The following AAGAB variants were observed in gnomAD, a reference collection of about 807,000 sequenced individuals.
AAGAB encodes the protein alpha- and gamma-adaptin-binding protein p34.
In AAGAB, 38 loss-of-function variants were observed where a neutral mutation model predicts 44.1. That is an observed-to-expected ratio of 0.86 (90% CI 0.67 to 1.13). The LOEUF (loss-of-function observed/expected upper bound fraction) is 1.13, where lower values mean the gene tolerates loss of function less well. Ranked by LOEUF, AAGAB falls within the 50% of genes most tolerant of loss-of-function variation. The pLI is 0.00. For missense variants in AAGAB, 450 were observed against 373.8 expected (o/e 1.20, Z -1.68); for synonymous variants, 131 against 131.8 (o/e 0.99, Z 0.04).
At chr15:67,254,974 G>C (rs533073588), upstream of AAGAB, 3 of 1,604,486 alleles carry the variant, frequency 1.9e-6, no homozygotes, top group East Asian at 6.8e-5. Context: ...CCCCGGCCCT[G>C]CCCTGCCCAG....
chr15:67,241,750 T>C (rs916106990), intron 1 of AAGAB, among the ~76,000 whole-genome samples: 2 of 152,154 alleles, frequency 1.3e-5, no homozygotes, highest in Admixed American at 1.3e-4. Flanking sequence ...ACAGTAAATA[T>C]TCATTTCCTT....
chr15:67,217,636 C>T (rs1428893314), intron 5 of AAGAB, among the ~76,000 whole-genome samples: 1 of 152,162 alleles, frequency 6.6e-6, no homozygotes, highest in East Asian at 1.9e-4. Flanking sequence ...CTCCCGGGTT[C>T]AAGCAATTCT....
chr15:67,217,885 T>C (rs938861346), intron 5 of AAGAB, among the ~76,000 whole-genome samples: 3 of 152,232 alleles, frequency 2.0e-5, no homozygotes, highest in Non-Finnish European at 4.4e-5. Flanking sequence ...AAATGATTCC[T>C]TGAATTGGAA....
In AAGAB at chr15:67,225,419, A is replaced by G. The variant is rs548472536; in HGVS notation, c.535+6395T>C. Among the ~76,000 whole-genome samples the G allele has an allele frequency of 3.3e-5, 5 of 152,238 alleles. No homozygotes were observed. The East Asian group carries it at 9.6e-4, about 29-fold the overall frequency. Reference sequence around the variant, plus strand: ...TTCTTTTTATTGAGATTTAATTTACATATCATAAAATCCAGCCTTTTAAAA... The same window carrying G: ...TTCTTTTTATTGAGATTTAATTTACGTATCATAAAATCCAGCCTTTTAAAA... On this transcript the variant is annotated intron_variant, in intron 5 of 9. Transcript: ENST00000261880.
At chr15:67,205,361 G>T (rs1963662111) in intron 7 of AAGAB, among the ~76,000 whole-genome samples, 1 of 152,238 alleles carries the variant, frequency 6.6e-6, no homozygotes, top group Admixed American at 6.5e-5. Flanking sequence ...CATGTAGGAA[G>T]TTGGTATATA....
intron 5 of AAGAB, among the ~76,000 whole-genome samples, chr15:67,230,538 G>C (rs1397554495): frequency 6.6e-6 from 1 of 152,166 alleles, no homozygotes; most frequent in East Asian, 1.9e-4. Context: ...CTAGAAGAGA[G>C]GCCTGAAACA....
intron 5 of AAGAB, among the ~76,000 whole-genome samples, chr15:67,229,668 TGAC>T (rs1449144927): frequency 1.3e-5 from 2 of 152,062 alleles, no homozygotes; most frequent in African/African-American, 2.4e-5. Context: ...GCTTCTCTAA[TGAC>T]GACAAGGGTT....
chr15:67,234,207 C>A (rs1331077776), intron 4 of AAGAB, among the ~76,000 whole-genome samples: 1 of 151,840 alleles, frequency 6.6e-6, no homozygotes, highest in African/African-American at 2.4e-5. Context: ...GAGCAGAGAT[C>A]GTGCCACTGC....
intron 1 of AAGAB, among the ~76,000 whole-genome samples, chr15:67,251,489 C>T (rs1381785888): frequency 6.6e-6 from 1 of 152,132 alleles, no homozygotes; most frequent in Non-Finnish European, 1.5e-5. Flanking sequence ...CTCCTGTGCT[C>T]AAGTGATCCT....
chr15:67,217,149 T>C (rs1269533309), intron 5 of AAGAB, among the ~76,000 whole-genome samples: 2 of 152,158 alleles, frequency 1.3e-5, no homozygotes, highest in African/African-American at 4.8e-5. Flanking sequence ...AGAGTATCCA[T>C]TTTTTTGGCT....
At chr15:67,225,383 CCTT>C (rs1049881108) in intron 5 of AAGAB, among the ~76,000 whole-genome samples, 1 of 152,242 alleles carries the variant, frequency 6.6e-6, no homozygotes, top group Admixed American at 6.5e-5. Flanking sequence ...GGTATCATTT[CCTT>C]CTTTTCTTTC....
intron 7 of AAGAB, among the ~76,000 whole-genome samples, chr15:67,207,747 A>G (rs1351872054): frequency 6.6e-6 from 1 of 152,174 alleles, no homozygotes; most frequent in Admixed American, 6.5e-5. Flanking sequence ...TGTGATTACT[A>G]GTTTGTTTTA....
chr15:67,222,219 CAT>C (rs1964080776), intron 5 of AAGAB, among the ~76,000 whole-genome samples: 3 of 143,530 alleles, frequency 2.1e-5, no homozygotes, highest in African/African-American at 8.1e-5. Context: ...TTACTACATG[CAT>C]GCACGCGCAC....
chr15:67,246,195 A>C (rs1964716893), intron 1 of AAGAB, among the ~76,000 whole-genome samples: 1 of 152,210 alleles, frequency 6.6e-6, no homozygotes, highest in Non-Finnish European at 1.5e-5. Context: ...AGCCTGAGCA[A>C]CACGGCAAAA....
chr15:67,231,609 C>A (rs1391752426), intron 5 of AAGAB, among the ~76,000 whole-genome samples: 3 of 152,134 alleles, frequency 2.0e-5, no homozygotes, highest in African/African-American at 7.2e-5. Context: ...TTACAAGCAA[C>A]CTCTAAATTC....
At chr15:67,240,594 A>C (rs1964573354) in intron 1 of AAGAB, among the ~76,000 whole-genome samples, 1 of 152,248 alleles carries the variant, frequency 6.6e-6, no homozygotes, top group African/African-American at 2.4e-5. Context: ...CTAGTAGCAA[A>C]CATAAACCTT....
At chr15:67,214,671 C>T (rs1051746640) in intron 5 of AAGAB, among the ~76,000 whole-genome samples, 1 of 151,648 alleles carries the variant, frequency 6.6e-6, no homozygotes, top group East Asian at 1.9e-4. Flanking sequence ...GACGGAGTCT[C>T]GCTCTGTCAC....
intron 5 of AAGAB, among the ~76,000 whole-genome samples, chr15:67,223,533 C>T (rs145731769): frequency 6.4e-4 from 97 of 152,214 alleles, no homozygotes; most frequent in Middle Eastern, 6.8e-3. Context: ...ACCTAGAATT[C>T]GACCTTTTCT....
At chr15:67,253,587 C>A (rs1964955224) in intron 1 of AAGAB, among the ~76,000 whole-genome samples, 1 of 151,710 alleles carries the variant, frequency 6.6e-6, no homozygotes, top group South Asian at 2.1e-4. Context: ...GACTCTGGCT[C>A]TACAAAAAAT....
Sources: allele counts gnomAD v4.1 joint callset (sites outside exome capture counted in the v4.1 genomes callset), GRCh38; gene constraint gnomAD v4.1.1; transcripts MANE v1.5; gene names NCBI Gene and HGNC (gene_info 2026-07-23, HGNC 2026-07-21).